SAMMSON: variants seen among roughly 807,000 people sequenced by gnomAD.
SAMMSON encodes long intergenic non-protein coding RNA 1212.
At chr3:70,343,072 T>G (rs1702724084) in intron 7 of SAMMSON, among the ~76,000 whole-genome samples, 1 of 152,176 alleles carries the variant, frequency 6.6e-6, no homozygotes, top group African/African-American at 2.4e-5. Context: ...CTCATTACAT[T>G]TTTAAAATAA....
chr3:70,282,697 C>T (rs751153780), intron 6 of SAMMSON, among the ~76,000 whole-genome samples: 14 of 152,170 alleles, frequency 9.2e-5, no homozygotes, highest in African/African-American at 2.4e-4. Flanking sequence ...AGGCCTTCCT[C>T]GACTACCTTG....
At chr3:70,005,391 A>G (rs1474796964) in intron 1 of SAMMSON, among the ~76,000 whole-genome samples, 2 of 152,106 alleles carry the variant, frequency 1.3e-5, no homozygotes. Flanking sequence ...CTACAAGAAG[A>G]TGCTACTTAC....
At chr3:70,323,375 C>T (rs143038108) in intron 7 of SAMMSON, among the ~76,000 whole-genome samples, 20 of 152,264 alleles carry the variant, frequency 1.3e-4, no homozygotes, top group Non-Finnish European at 2.2e-4. Flanking sequence ...TCCGAATTGT[C>T]AACTTCTCTG....
At chr3:70,180,026 G>GTA in intron 4 of SAMMSON, among the ~76,000 whole-genome samples, 1 of 151,414 alleles carries the variant, frequency 6.6e-6, no homozygotes, top group South Asian at 2.1e-4. Context: ...GTGTGTGTGT[G>GTA]TGCGCGCACG....
intron 7 of SAMMSON, among the ~76,000 whole-genome samples, chr3:70,324,738 T>C (rs768092870): frequency 1.3e-5 from 2 of 152,098 alleles, no homozygotes; most frequent in Non-Finnish European, 2.9e-5. Flanking sequence ...TTCATTCCAG[T>C]ACTTTTCAGA....
chr3:70,267,541 T>C (rs1701928433), intron 6 of SAMMSON, among the ~76,000 whole-genome samples: 1 of 150,414 alleles, frequency 6.6e-6, no homozygotes, highest in South Asian at 2.1e-4. Flanking sequence ...TAGCTGGGAC[T>C]ACAGGCGCCC....
intron 4 of SAMMSON, chr3:70,197,118 G>A (rs1234596437): frequency 2.5e-6 from 1 of 398,548 alleles, no homozygotes; most frequent in Non-Finnish European, 4.4e-6. Context: ...CGCAGGTGCC[G>A]GGGAGCATCA....
At chr3:70,201,860 C>T (rs998299609) in intron 4 of SAMMSON, among the ~76,000 whole-genome samples, 1 of 152,154 alleles carries the variant, frequency 6.6e-6, no homozygotes, top group Admixed American at 6.5e-5. Context: ...TGGCTTCTGT[C>T]TAGATTCAGC....
chr3:70,008,599 C>A (rs542575580), intron 1 of SAMMSON, among the ~76,000 whole-genome samples: 36 of 152,312 alleles, frequency 2.4e-4, no homozygotes, highest in Middle Eastern at 3.4e-3. Flanking sequence ...GACAATTTGA[C>A]TTCCTCTTTT....
chr3:70,186,263 A>AT (rs11318266), intron 4 of SAMMSON, among the ~76,000 whole-genome samples: 249 of 144,476 alleles, frequency 1.7e-3, no homozygotes, highest in Middle Eastern at 0.01. Context: ...CAATAATGGG[A>AT]TTTTTTTTTT....
intron 3 of SAMMSON, among the ~76,000 whole-genome samples, chr3:70,038,374 G>T (rs1326978723): frequency 6.6e-6 from 1 of 151,972 alleles, no homozygotes; most frequent in Non-Finnish European, 1.5e-5. Context: ...CTTTGCACAT[G>T]CCCCCTCCCT....
At chr3:70,257,182 A>G (rs1174210291) in intron 6 of SAMMSON, among the ~76,000 whole-genome samples, 1 of 152,200 alleles carries the variant, frequency 6.6e-6, no homozygotes, top group Non-Finnish European at 1.5e-5. Flanking sequence ...TGTGAACTAT[A>G]CATTTGGTCT....
intron 4 of SAMMSON, among the ~76,000 whole-genome samples, chr3:70,193,268 C>A (rs539728123): frequency 7.2e-5 from 11 of 152,158 alleles, no homozygotes; most frequent in African/African-American, 2.6e-4. Flanking sequence ...TGGAGAAGCC[C>A]CAAAATATAA....
chr3:70,173,608 T>C (rs1375532510), intron 4 of SAMMSON, among the ~76,000 whole-genome samples: 1 of 152,006 alleles, frequency 6.6e-6, no homozygotes, highest in Non-Finnish European at 1.5e-5. Context: ...ATGCTCAAAC[T>C]AGATAATTTT....
chr3:70,148,756 A>G (rs1426038681), intron 4 of SAMMSON, among the ~76,000 whole-genome samples: 1 of 152,112 alleles, frequency 6.6e-6, no homozygotes, highest in Non-Finnish European at 1.5e-5. Context: ...CAAGCCATTC[A>G]TGAGGGATTC....
At chr3:70,052,049 G>C (rs1005648257) in intron 3 of SAMMSON, among the ~76,000 whole-genome samples, 1 of 152,072 alleles carries the variant, frequency 6.6e-6, no homozygotes, top group Non-Finnish European at 1.5e-5. Context: ...AGTGAGCTGT[G>C]ATTGCACCAC....
In SAMMSON at chr3:70,090,339, G is replaced by A. The variant is rs765145749; in HGVS notation, n.507+18774G>A. ...GGTAGCACAGCAACTCCAGAAAATA[G>A]GTTAATTGGTTCAGAGACTTGCTCT... On this transcript the variant is annotated intron_variant and non_coding_transcript_variant, in intron 4 of 9. Transcript: ENST00000642114. 8.5e-4 allele frequency among the ~76,000 whole-genome samples: 129 copies of A among 152,246 alleles called. 1 individual carries two copies. Among genetic ancestry groups the A allele is most frequent in the Middle Eastern group, 3.4e-3 (1 of 294 alleles).
At chr3:70,277,069 T>A (rs1231187580) in intron 6 of SAMMSON, among the ~76,000 whole-genome samples, 3 of 152,166 alleles carry the variant, frequency 2.0e-5, no homozygotes, top group Non-Finnish European at 4.4e-5. Context: ...GAAATCAGAA[T>A]TATTGAGATT....
At chr3:70,395,329 C>T (rs867015058) in intron 2 of SAMMSON, among the ~76,000 whole-genome samples, 4 of 110,752 alleles carry the variant, frequency 3.6e-5, no homozygotes, top group Admixed American at 9.6e-5. Context: ...CTCTCTCTCT[C>T]TCTTTTTTTT....
Sources: gnomAD v4.1 joint callset for allele counts (sites outside exome capture counted in the v4.1 genomes callset) on GRCh38, gnomAD v4.1.1 for gene constraint, MANE v1.5 for transcripts, NCBI Gene and HGNC (gene_info 2026-07-23, HGNC 2026-07-21) for gene names.